Variants in DOCK1 observed in about 807,000 individuals in gnomAD.
DOCK1 encodes the protein dedicator of cytokinesis 1.
Under a neutral mutation model 262.7 loss-of-function variants are expected in DOCK1, and 138 were observed. The ratio of observed to expected loss-of-function variants is 0.53; its 90% CI spans 0.46 to 0.61. DOCK1 has a LOEUF of 0.61. Ranked by LOEUF, DOCK1 falls within the 20% of genes least tolerant of loss-of-function variation. DOCK1 has a pLI of 0.00. For missense variants in DOCK1, 1,908 were observed against 2,370.7 expected (o/e 0.80, Z 4.05); for synonymous variants, 866 against 867.4 (o/e 1.00, Z 0.03).
Position 127,418,536 on chromosome 10 carries a change from G to A in DOCK1, c.4687G>A (p.Glu1563Lys), listed in dbSNP as rs1373864109. Residue 1563 changes from glutamate (E) to lysine (K), a missense_variant, in exon 45 of 52, where the codon GAA becomes AAA. Physicochemically the swap from Glu to Lys is moderately conservative, Grantham distance 56. Transcript: ENST00000623213. ...PAVMGGFANY[E>K]KAFFTDRYLQ... ...TGTCATGGGGGGCTTCGCAAACTAC[G>A]AAAAGGTACGGGACCCACCAGCTTG... 7 of 1,613,066 alleles carry A rather than the reference G, an allele frequency of 4.3e-6. No individual in the cohort carries two copies. The highest frequency in any genetic ancestry group is 1.7e-5 in the Admixed American group (1 of 59,974).
At chr10:127,259,664 G>T (rs926234453) in intron 29 of DOCK1, among the ~76,000 whole-genome samples, 1 of 152,172 alleles carries the variant, frequency 6.6e-6, no homozygotes, top group African/African-American at 2.4e-5. Flanking sequence ...GGATTCCGTG[G>T]CCCTGGGTGA....
chr10:127,412,651 C>T (rs2067928356), intron 43 of DOCK1, among the ~76,000 whole-genome samples: 1 of 152,196 alleles, frequency 6.6e-6, no homozygotes, highest in Non-Finnish European at 1.5e-5. Context: ...GGAACCCTTC[C>T]AGCAGGGTTG....
chr10:127,147,347 G>A (rs1360357970), intron 27 of DOCK1, among the ~76,000 whole-genome samples: 1 of 152,092 alleles, frequency 6.6e-6, no homozygotes, highest in Non-Finnish European at 1.5e-5. Flanking sequence ...GTAGCCTGGA[G>A]GGCTCTAGAG....
chr10:127,190,678 C>A (rs543710618), intron 27 of DOCK1, among the ~76,000 whole-genome samples: 2 of 69,444 alleles, frequency 2.9e-5, no homozygotes, highest in African/African-American at 5.9e-5. Flanking sequence ...CCCCCCCCCC[C>A]CCCCCGTTCC....
chr10:127,198,802 C>T (rs186664354), intron 27 of DOCK1, among the ~76,000 whole-genome samples: 116 of 145,844 alleles, frequency 8.0e-4, no homozygotes, highest in African/African-American at 2.9e-3. Flanking sequence ...AAGTGCATGT[C>T]TTCAGCATCA....
chr10:127,257,206 C>T (rs2059857082), intron 28 of DOCK1, 129 bp from the exon 29 acceptor site: 3 of 741,160 alleles, frequency 4.0e-6, no homozygotes, highest in South Asian at 1.9e-5. Context: ...TGAAATATAT[C>T]TTCATTACTT....
At chr10:127,206,646 T>C (rs2134285137) in intron 27 of DOCK1, among the ~76,000 whole-genome samples, 1 of 152,290 alleles carries the variant, frequency 6.6e-6, no homozygotes, top group East Asian at 1.9e-4. Flanking sequence ...ATTTATTCAG[T>C]AGAATCCGAG....
chr10:127,348,134 A>T (rs1018597760), intron 31 of DOCK1, among the ~76,000 whole-genome samples: 1 of 151,744 alleles, frequency 6.6e-6, no homozygotes, highest in African/African-American at 2.4e-5. Context: ...TGAGTATGAG[A>T]TTCGCCAGTG....
intron 27 of DOCK1, among the ~76,000 whole-genome samples, chr10:127,151,536 G>C (rs1221531237): frequency 2.0e-5 from 3 of 152,124 alleles, no homozygotes; most frequent in African/African-American, 7.2e-5. Context: ...ACCTCTTCTA[G>C]AATGCCTCTC....
At chr10:126,908,061 T>C (rs1591273149) in intron 1 of DOCK1, among the ~76,000 whole-genome samples, 1 of 151,392 alleles carries the variant, frequency 6.6e-6, no homozygotes, top group Admixed American at 6.6e-5. Flanking sequence ...GCTTGCTGGG[T>C]AGACAGTAAT....
chr10:127,106,440 G>T, intron 24 of DOCK1, 139 bp downstream of exon 24: 2 of 843,330 alleles, frequency 2.4e-6, no homozygotes, highest in South Asian at 1.9e-5. Context: ...AACATGTGTT[G>T]CTGGTGGTGT....
intron 27 of DOCK1, among the ~76,000 whole-genome samples, chr10:127,203,339 A>T (rs1178546150): frequency 1.3e-5 from 2 of 152,100 alleles, no homozygotes; most frequent in Non-Finnish European, 2.9e-5. Flanking sequence ...TATTTTTTTT[A>T]AAGATGACTA....
At chr10:127,163,237 C>T (rs534906546) in intron 27 of DOCK1, among the ~76,000 whole-genome samples, 1 of 152,320 alleles carries the variant, frequency 6.6e-6, no homozygotes, top group South Asian at 2.1e-4. Flanking sequence ...TTCTGCAGAT[C>T]GGGGCTTGAG....
chr10:126,952,669 A>G (rs1385643345), intron 1 of DOCK1, among the ~76,000 whole-genome samples: 1 of 11,594 alleles, frequency 8.6e-5, no homozygotes, highest in African/African-American at 3.7e-4. Context: ...TGTTATTGGT[A>G]GTATTGTTGT....
chr10:127,364,139 A>G (rs866772991), intron 33 of DOCK1, among the ~76,000 whole-genome samples: 34 of 152,282 alleles, frequency 2.2e-4, no homozygotes, highest in Admixed American at 4.6e-4. Context: ...CTGCAGGACC[A>G]TGGGGCCCAA....
Position 127,032,409 on chromosome 10 carries a change from C to T in DOCK1, c.1912+89C>T, listed in dbSNP as rs142570129. ...CTCCTTCCTATGTGGAGGTGTGCTCCGTAGGTGCATGAACGTCACCCATAA... is the reference window on the plus strand; with the variant it reads ...CTCCTTCCTATGTGGAGGTGTGCTCTGTAGGTGCATGAACGTCACCCATAA... On this transcript the variant is annotated intron_variant, in intron 18 of 51. Coordinates refer to ENST00000623213, the MANE Select transcript of DOCK1 (RefSeq NM_001290223.2). The T allele has an allele frequency of 6.4e-4, 884 of 1,380,788 alleles. 9 individuals carry two copies. The African/African-American group carries it at 0.01, about 16-fold the overall frequency. 85.5% of individuals were successfully genotyped at this position (1,380,788 alleles called of 1,614,324 possible).
chr10:127,277,292 T>C (rs962580650), intron 29 of DOCK1, among the ~76,000 whole-genome samples: 1 of 152,212 alleles, frequency 6.6e-6, no homozygotes, highest in African/African-American at 2.4e-5. Flanking sequence ...AGAAAATACA[T>C]ATAGACCTTG....
rs1481117612 is a variant in DOCK1 at position 126,995,099 on chromosome 10, G to A, written c.474-1649G>A. On this transcript the variant is annotated intron_variant, in intron 6 of 51. Transcript: ENST00000623213. This position sits in a 1 kb window ranked among gnomAD's most constrained non-coding sequence, Gnocchi z 5.8. ...TCTCAGACGGGGCGGCAGGGCAGAG[G>A]CGCTCCCCAGATCCCAGACGATGGG... 6.6e-6 allele frequency among the ~76,000 whole-genome samples: 1 copy of A among 150,666 alleles called. No homozygotes were observed. The highest frequency in any genetic ancestry group is 1.5e-5 in the Non-Finnish European group (1 of 67,738).
chr10:127,404,917 AG>A (rs2067432257), intron 40 of DOCK1, among the ~76,000 whole-genome samples: 1 of 152,152 alleles, frequency 6.6e-6, no homozygotes, highest in South Asian at 2.1e-4. Flanking sequence ...TGACTGTTGT[AG>A]GGACCTTGTA....
Sources: allele counts gnomAD v4.1 joint callset (sites outside exome capture counted in the v4.1 genomes callset), GRCh38; gene constraint gnomAD v4.1.1; non-coding constraint Gnocchi (gnomAD v3.1); transcripts MANE v1.5; gene names NCBI Gene and HGNC (gene_info 2026-07-23, HGNC 2026-07-21).